Variants in ZBTB16 observed in about 807,000 individuals in gnomAD.
The protein encoded by ZBTB16 is zinc finger and BTB domain containing 16.
A neutral mutation model predicts 56.8 loss-of-function variants in ZBTB16; 8 were observed. The ratio of observed to expected loss-of-function variants is 0.14; its 90% confidence interval spans 0.08 to 0.25. The LOEUF (loss-of-function observed/expected upper bound fraction) is 0.25, where lower values mean the gene tolerates loss of function less well. Among genes scored for constraint, ZBTB16 ranks in the 10% least tolerant of loss-of-function variants. ZBTB16 has a pLI of 1.00. For synonymous variants in ZBTB16, 363 were observed against 368.5 expected (o/e 0.98, Z 0.17); for missense variants, 625 against 903.0 (o/e 0.69, Z 3.95).
At chr11:114,146,142 C>T (rs536068829) in intron 2 of ZBTB16, among the ~76,000 whole-genome samples, 2 of 152,098 alleles carry the variant, frequency 1.3e-5, no homozygotes, top group Admixed American at 1.3e-4. Context: ...GCTTGCCTTC[C>T]CTGTAGAAGG....
chr11:114,164,831 T>A (rs528649579), intron 3 of ZBTB16, among the ~76,000 whole-genome samples: 1 of 152,152 alleles, frequency 6.6e-6, no homozygotes, highest in Non-Finnish European at 1.5e-5. Flanking sequence ...GTCTCTGTGG[T>A]GGCAGGTATT....
At chr11:114,163,490 C>T (rs1237907921) in intron 3 of ZBTB16, among the ~76,000 whole-genome samples, 5 of 152,004 alleles carry the variant, frequency 3.3e-5, no homozygotes, top group Non-Finnish European at 2.9e-5. Context: ...GTGCTGGGTG[C>T]GATGCTGGCC....
chr11:114,233,066 T>TGCGC lies in ZBTB16; in HGVS notation c.1454-9088_1454-9085dup, dbSNP rs71063553. On this transcript the variant is annotated intron_variant, in intron 4 of 6. Coordinates refer to ENST00000335953, the MANE Select transcript of ZBTB16 (RefSeq NM_006006.6). ...CCACCCACTCTACTGCACATACGCA[T>TGCGC]GCGCGCGCGCGCGCGCACACACACA... Among the ~76,000 whole-genome samples the TGCGC allele has an allele frequency of 5.0e-3, 472 of 94,248 alleles. 4 individuals are homozygous for TGCGC. Among genetic ancestry groups the TGCGC allele is most frequent in the Middle Eastern group, 0.011 (2 of 188 alleles). 61.8% of individuals were successfully genotyped at this position (94,248 alleles called of 152,430 possible). A position where few individuals can be genotyped will look rare whatever the true frequency, so the allele number is the denominator to read the frequency against.
At chr11:114,115,618 C>G (rs1415921928) in intron 2 of ZBTB16, among the ~76,000 whole-genome samples, 1 of 152,156 alleles carries the variant, frequency 6.6e-6, no homozygotes, top group African/African-American at 2.4e-5. Flanking sequence ...AGCTTTCCTT[C>G]CCGTCTTTCT....
At chr11:114,153,215 A>T (rs1030744783) in intron 2 of ZBTB16, among the ~76,000 whole-genome samples, 3 of 152,214 alleles carry the variant, frequency 2.0e-5, no homozygotes, top group Non-Finnish European at 4.4e-5. Flanking sequence ...GATGAACAAG[A>T]ATTAAAGATA....
At chr11:114,114,070 G>T (rs1941100447) in intron 2 of ZBTB16, among the ~76,000 whole-genome samples, 1 of 152,232 alleles carries the variant, frequency 6.6e-6, no homozygotes, top group Non-Finnish European at 1.5e-5. Flanking sequence ...AGGTGATTCA[G>T]TAGAAATAGT....
At chr11:114,123,081 T>G (rs1195264418) in intron 2 of ZBTB16, among the ~76,000 whole-genome samples, 1 of 152,182 alleles carries the variant, frequency 6.6e-6, no homozygotes, top group Non-Finnish European at 1.5e-5. Context: ...GACAGTGAGC[T>G]GGTGTCTCTT....
At chr11:114,233,004 C>T (rs1057494927) in intron 4 of ZBTB16, among the ~76,000 whole-genome samples, 1 of 151,800 alleles carries the variant, frequency 6.6e-6, no homozygotes, top group African/African-American at 2.4e-5. Context: ...CTGCATACCT[C>T]TCCGGATTTA....
At chr11:114,236,075 A>C (rs547635333) in intron 4 of ZBTB16, among the ~76,000 whole-genome samples, 1 of 152,258 alleles carries the variant, frequency 6.6e-6, no homozygotes, top group East Asian at 1.9e-4. Context: ...GTCCAGGCTA[A>C]GACTGAGTCC....
Position 114,156,439 on chromosome 11 carries a change from G to T in ZBTB16, c.1366+5G>T. 2 of 1,614,152 alleles carry T rather than the reference G, an allele frequency of 1.2e-6. No individual in the cohort carries two copies. Among genetic ancestry groups the T allele is most frequent in the East Asian group, 4.5e-5 (2 of 44,892 alleles). On this transcript the variant is annotated splice_donor_5th_base_variant and intron_variant, in intron 3 of 6. Transcript: ENST00000335953. ...TGCACTTACTGGCTCATTCAGGTAGGCAAGTTCGCCTTAGTGGCCCGTTCA... is the reference window on the plus strand; with the variant it reads ...TGCACTTACTGGCTCATTCAGGTAGTCAAGTTCGCCTTAGTGGCCCGTTCA...
chr11:114,071,586 G>GA (rs1939350167), intron 2 of ZBTB16, among the ~76,000 whole-genome samples: 1 of 152,174 alleles, frequency 6.6e-6, no homozygotes. Context: ...ATTCAGGAGA[G>GA]AAACTTTTCC....
intron 2 of ZBTB16, among the ~76,000 whole-genome samples, chr11:114,137,904 T>G (rs1734902041): frequency 6.6e-6 from 1 of 152,086 alleles, no homozygotes; most frequent in South Asian, 2.1e-4. Flanking sequence ...TGCATGTTGG[T>G]GATGAGTGTG....
rs1944999983 is a variant in ZBTB16, at chr11:114,255,959, T to G, written c.*5404T>G. Among the ~76,000 whole-genome samples the G allele has an allele frequency of 1.3e-5, 2 of 151,918 alleles. No homozygotes were observed. The highest frequency in any genetic ancestry group is 2.9e-5 in the Non-Finnish European group (2 of 68,004). ...AATCTGCAGTTAGAAGAGAATAAAG[T>G]TAATTCAGTTGTCTCTCGCTTGAAG... On this transcript the variant is annotated 3_prime_UTR_variant, in exon 7 of 7. Transcript: ENST00000335953.
rs1266869838 is a variant in ZBTB16, at chr11:114,255,767, A to G, written c.*5212A>G. Among the ~76,000 whole-genome samples, 2 of 151,570 alleles carry G rather than the reference A, an allele frequency of 1.3e-5. No individual in the cohort carries two copies. Among genetic ancestry groups the G allele is most frequent in the Non-Finnish European group, 2.9e-5 (2 of 67,940 alleles). On this transcript the variant is annotated 3_prime_UTR_variant, in exon 7 of 7. Transcript: ENST00000335953. ...AAAGAAAAAATGAATTTACTGCTGC[A>G]GGTTTTTTTCTCTCTCCATGTGTCA...
At chr11:114,118,879 A>G (rs1280311991) in intron 2 of ZBTB16, among the ~76,000 whole-genome samples, 1 of 152,224 alleles carries the variant, frequency 6.6e-6, no homozygotes, top group African/African-American at 2.4e-5. Context: ...AACAAGCTCT[A>G]GATTACAACA....
chr11:114,082,939 G>A lies in ZBTB16; in HGVS notation c.1268+18371G>A, dbSNP rs151101386. On this transcript the variant is annotated intron_variant, in intron 2 of 6. Transcript: ENST00000335953. ...CGGGCCAGTCTCGGCTGTGGTCGTA[G>A]CACTACGCAATGTCTGCAAACCGAC... Among the ~76,000 whole-genome samples the A allele has an allele frequency of 8.9e-3, 1,355 of 152,316 alleles. 20 individuals are homozygous for A. The highest frequency in any genetic ancestry group is 0.03 in the African/African-American group (1,245 of 41,566).
intron 3 of ZBTB16, among the ~76,000 whole-genome samples, chr11:114,158,467 A>G (rs1318066135): frequency 6.6e-6 from 1 of 152,058 alleles, no homozygotes; most frequent in Non-Finnish European, 1.5e-5. Context: ...CCATGATGCC[A>G]TCCCCAGCTG....
rs1938999997 is a variant in ZBTB16, at chr11:114,063,967, G to A, written c.667G>A (p.Gly223Arg). The change falls in exon 2 of 7, where the codon GGG (glycine) becomes AGG (arginine). Residue 223 changes from glycine to arginine, a missense_variant. Transcript: ENST00000335953. The surrounding 1 kb of genome is among the most constrained non-coding windows in gnomAD (Gnocchi z 6.5). Reference sequence around the variant, plus strand: ...GCAGGGAACTCTTCAGCCACCTGCAGGGCCCGAGGAGCCAACTCTGGCTGG... The same window carrying A: ...GCAGGGAACTCTTCAGCCACCTGCAAGGCCCGAGGAGCCAACTCTGGCTGG... Reference protein sequence around the residue: ...LLQGTLQPPAGPEEPTLAGGG... With the variant: ...LLQGTLQPPARPEEPTLAGGG... The A allele has an allele frequency of 1.2e-6, 2 of 1,613,804 alleles. No individual in the cohort carries two copies. The highest frequency in any genetic ancestry group is 1.7e-6 in the Non-Finnish European group (2 of 1,180,000).
chr11:114,093,017 T>A (rs1477265140), intron 2 of ZBTB16, among the ~76,000 whole-genome samples: 1 of 152,122 alleles, frequency 6.6e-6, no homozygotes, highest in Non-Finnish European at 1.5e-5. Flanking sequence ...CACCCCAAAA[T>A]CACCCTTTTA....
Sources: gnomAD v4.1 joint callset for allele counts (sites outside exome capture counted in the v4.1 genomes callset) on GRCh38, gnomAD v4.1.1 for gene constraint, Gnocchi (gnomAD v3.1) non-coding constraint, MANE v1.5 for transcripts, NCBI Gene and HGNC (gene_info 2026-07-23, HGNC 2026-07-21) for gene names.